The following EDIL3 variants were observed in gnomAD, a reference collection of about 807,000 sequenced individuals.
EDIL3 encodes EGF-like repeat and discoidin I-like domain-containing protein 3.
Under a neutral mutation model 67.4 loss-of-function variants are expected in EDIL3, and 37 were observed. The ratio of observed to expected loss-of-function variants is 0.55; its 90% confidence interval spans 0.42 to 0.72. EDIL3 has a LOEUF of 0.72. EDIL3 is among the 30% of genes least tolerant of loss of function. The pLI is 0.00. For synonymous variants in EDIL3, 195 were observed against 196.3 expected, an observed-to-expected ratio of 0.99 and a Z score of 0.05; for missense variants, 527 against 586.3, an observed-to-expected ratio of 0.90 and a Z score of 1.04.
intron 1 of EDIL3, among the ~76,000 whole-genome samples, chr5:84,318,972 C>G (rs988977935): frequency 1.2e-4 from 18 of 152,032 alleles, no homozygotes; most frequent in African/African-American, 4.1e-4. Context: ...AGAAAACAAC[C>G]CCATCAAAAA....
At chr5:83,977,370 A>G (rs1175408059) in intron 9 of EDIL3, among the ~76,000 whole-genome samples, 1 of 151,858 alleles carries the variant, frequency 6.6e-6, no homozygotes. Flanking sequence ...AAAGACTTCT[A>G]CATCATTGTT....
At chr5:84,281,559 G>C (rs921429291) in intron 1 of EDIL3, among the ~76,000 whole-genome samples, 1 of 152,090 alleles carries the variant, frequency 6.6e-6, no homozygotes, top group Non-Finnish European at 1.5e-5. Context: ...ATGGTTTGTG[G>C]GTGACATCTG....
At chr5:84,363,149 G>C (rs1021542836) in intron 1 of EDIL3, among the ~76,000 whole-genome samples, 1 of 151,956 alleles carries the variant, frequency 6.6e-6, no homozygotes, top group African/African-American at 2.4e-5. Flanking sequence ...TCTCAATAAT[G>C]TCATTGCATT....
At chr5:83,992,016 G>A (rs1425676438) in intron 9 of EDIL3, among the ~76,000 whole-genome samples, 5 of 152,048 alleles carry the variant, frequency 3.3e-5, no homozygotes, top group Non-Finnish European at 7.4e-5. Context: ...ATACTGATGT[G>A]GTTAGATATT....
chr5:84,136,815 G>A (rs1234210883), intron 5 of EDIL3, among the ~76,000 whole-genome samples: 1 of 152,056 alleles, frequency 6.6e-6, no homozygotes, highest in Non-Finnish European at 1.5e-5. Flanking sequence ...GCATGAGCCA[G>A]TGTGCCCTGT....
At chr5:84,154,418 TA>T (rs1021363122) in intron 4 of EDIL3, among the ~76,000 whole-genome samples, 59 of 151,898 alleles carry the variant, frequency 3.9e-4, no homozygotes, top group African/African-American at 1.4e-3. Flanking sequence ...TAGAATCAAG[TA>T]AAAAAAAGTC....
At chr5:84,104,440 A>AT (rs1229985086) in intron 6 of EDIL3, among the ~76,000 whole-genome samples, 2 of 152,044 alleles carry the variant, frequency 1.3e-5, no homozygotes, top group Non-Finnish European at 2.9e-5. Context: ...TAACATTAAA[A>AT]ATATATTATT....
At chr5:83,957,562 A>C (rs999867948) in intron 10 of EDIL3, among the ~76,000 whole-genome samples, 1 of 151,706 alleles carries the variant, frequency 6.6e-6, no homozygotes, top group African/African-American at 2.4e-5. Context: ...CCTTCAATGC[A>C]GACCATGGCT....
chr5:84,041,646 ATATATACTTATATGTATATACT>A lies in EDIL3; in HGVS notation c.1137+18632_1137+18653del, dbSNP rs1283791823. ...CACACACACATATACATATACTTAC[ATATATACTTATATGTATATACT>A]TATATACTTATATTTGTGTATATCT... On this transcript the variant is annotated intron_variant, in intron 9 of 10. Transcript: ENST00000296591. 8.2e-5 allele frequency among the ~76,000 whole-genome samples: 12 copies of A among 145,698 alleles called. No individual in the cohort carries two copies. The South Asian group carries it at 1.5e-3, about 18-fold the overall frequency.
At chr5:84,312,481 C>A (rs1446763611) in intron 1 of EDIL3, among the ~76,000 whole-genome samples, 4 of 148,944 alleles carry the variant, frequency 2.7e-5, no homozygotes, top group African/African-American at 7.4e-5. Flanking sequence ...TCCTCACCTC[C>A]CGGACAGGGC....
At position 84,290,158 on chromosome 5, in the gene EDIL3, T is replaced by C. The variant is rs79685749; in HGVS notation, c.68-35946A>G. On this transcript the variant is annotated intron_variant, in intron 1 of 10. Coordinates refer to ENST00000296591, the MANE Select transcript of EDIL3 (RefSeq NM_005711.5). ...GCCCAATAAAACTACCTCATCTGCA[T>C]GTCTTCCCTGAGGACAGCCATATCC... 7.5e-3 allele frequency among the ~76,000 whole-genome samples: 1,145 copies of C among 152,274 alleles called. 13 individuals are homozygous for C. The highest frequency in any genetic ancestry group is 0.026 in the African/African-American group (1,083 of 41,550).
chr5:84,312,417 T>A (rs1746421688), intron 1 of EDIL3, among the ~76,000 whole-genome samples: 1 of 137,080 alleles, frequency 7.3e-6, no homozygotes, highest in Non-Finnish European at 1.6e-5. Flanking sequence ...ACGGGGCGGC[T>A]GGCCGGGCAG....
At chr5:84,235,481 T>C (rs2218504) in intron 2 of EDIL3, among the ~76,000 whole-genome samples, 120,762 of 152,032 alleles carry the variant, frequency 0.79, 48,182 homozygotes, top group East Asian at 0.95. Context: ...AAAACATAAT[T>C]TTGTACACAT....
chr5:84,008,086 G>C (rs879264841), intron 9 of EDIL3, among the ~76,000 whole-genome samples: 4 of 152,004 alleles, frequency 2.6e-5, no homozygotes, highest in African/African-American at 7.2e-5. Context: ...TAAAACAATT[G>C]GACTCCTGGA....
intron 1 of EDIL3, among the ~76,000 whole-genome samples, chr5:84,260,990 C>T (rs903081531): frequency 6.6e-6 from 1 of 152,184 alleles, no homozygotes; most frequent in Non-Finnish European, 1.5e-5. Context: ...TCATGTTTTG[C>T]ATCTGTGACA....
intron 1 of EDIL3, among the ~76,000 whole-genome samples, chr5:84,313,877 T>C (rs1296350509): frequency 6.6e-6 from 1 of 152,070 alleles, no homozygotes; most frequent in African/African-American, 2.4e-5. Context: ...AGATACCATT[T>C]AGTGGAGTGC....
At chr5:84,115,934 T>C (rs1447300030) in intron 5 of EDIL3, among the ~76,000 whole-genome samples, 1 of 152,190 alleles carries the variant, frequency 6.6e-6, no homozygotes, top group Non-Finnish European at 1.5e-5. Context: ...CCTATGCTTT[T>C]AAGTTATTTA....
chr5:83,952,173 A>G (rs1298017098), intron 10 of EDIL3, among the ~76,000 whole-genome samples: 1 of 151,806 alleles, frequency 6.6e-6, no homozygotes, highest in African/African-American at 2.4e-5. Context: ...TGACCTTGGG[A>G]AAAAGACGTA....
intron 4 of EDIL3, among the ~76,000 whole-genome samples, chr5:84,175,174 T>C (rs1185273681): frequency 6.6e-6 from 1 of 152,126 alleles, no homozygotes; most frequent in African/African-American, 2.4e-5. Context: ...TCTCGAACCT[T>C]GTGCCATCCC....
Sources: allele counts gnomAD v4.1 joint callset (sites outside exome capture counted in the v4.1 genomes callset), GRCh38; gene constraint gnomAD v4.1.1; transcripts MANE v1.5; gene names NCBI Gene and HGNC (gene_info 2026-07-23, HGNC 2026-07-21).